The following CNMD variants were observed in gnomAD, a reference collection of about 807,000 sequenced individuals.
CNMD encodes the protein leukocyte cell-derived chemotaxin 1.
In CNMD, 30 loss-of-function variants were observed where a neutral mutation model predicts 37.5. The observed-to-expected ratio is 0.80, with a 90% CI of 0.60 to 1.09. The LOEUF (loss-of-function observed/expected upper bound fraction) is 1.09. CNMD is among the 50% of genes least tolerant of loss of function. The pLI, the probability that CNMD is intolerant of heterozygous loss-of-function variation, is 0.00. For missense variants in CNMD, 398 were observed against 423.9 expected (o/e 0.94, Z 0.54); for synonymous variants, 167 against 148.2 (o/e 1.13, Z -0.92).
rs184390432 is a variant in CNMD at position 52,724,649 on chromosome 13, A to T, written c.355-539T>A. On this transcript the variant is annotated intron_variant, in intron 3 of 6. Coordinates refer to ENST00000377962, the MANE Select transcript of CNMD (RefSeq NM_007015.3). ...CGGACATGGTGGCTTATGCCACCAG[A>T]ACTTTGGGAGGCCGACGCGGGCAGA... is the stretch of plus-strand genomic sequence containing the variant. Among the ~76,000 whole-genome samples the T allele has an allele frequency of 3.3e-5, 5 of 152,228 alleles. No individual in the cohort carries two copies. The East Asian group carries it at 9.7e-4, about 29-fold the overall frequency.
intron 2 of CNMD, 129 bp downstream of exon 2, chr13:52,738,902 G>C: frequency 1.3e-6 from 1 of 769,930 alleles, no homozygotes; most frequent in Non-Finnish European, 1.8e-6. Flanking sequence ...TGGGATGGGA[G>C]AGGGGAGCTC....
At chr13:52,728,936 G>C (rs975976042) in intron 3 of CNMD, among the ~76,000 whole-genome samples, 1 of 152,142 alleles carries the variant, frequency 6.6e-6, no homozygotes, top group African/African-American at 2.4e-5. Flanking sequence ...AGATTAAACA[G>C]AGGGAACTAA....
At chr13:52,708,078 A>G (rs1298678182) in intron 6 of CNMD, among the ~76,000 whole-genome samples, 1 of 152,198 alleles carries the variant, frequency 6.6e-6, no homozygotes, top group African/African-American at 2.4e-5. Flanking sequence ...CAACAAAAAA[A>G]CAACTTTGCA....
intron 4 of CNMD, among the ~76,000 whole-genome samples, chr13:52,713,926 T>G (rs1425087035): frequency 6.6e-6 from 1 of 152,200 alleles, no homozygotes; most frequent in Non-Finnish European, 1.5e-5. Flanking sequence ...CCCAATCTCC[T>G]TCCTCCCCCA....
chr13:52,724,181 G>T, intron 3 of CNMD, 71 bp from the exon 4 acceptor site: 1 of 1,147,728 alleles, frequency 8.7e-7, no homozygotes, highest in Non-Finnish European at 1.3e-6. Flanking sequence ...TGTCTACTGT[G>T]TTCCAGATGC....
rs894661989 is a variant in CNMD at position 52,728,787 on chromosome 13, G to C, written c.354+4432C>G. Among the ~76,000 whole-genome samples, 6 of 152,312 alleles carry C rather than the reference G, an allele frequency of 3.9e-5. No homozygotes were observed. The East Asian group carries it at 1.2e-3, about 29-fold the overall frequency. The stretch of plus-strand genomic sequence containing the variant: ...ATTCGCAGCACTGAATGGGAATCTA[G>C]TGTTAAGTTGGTTCTGACAGTCGAC... On this transcript the variant is annotated intron_variant, in intron 3 of 6. Transcript: ENST00000377962.
In CNMD at chr13:52,706,155, G is replaced by A. The variant is rs774871508; in HGVS notation, c.790-2345C>T. 3.9e-5 allele frequency among the ~76,000 whole-genome samples: 6 copies of A among 152,134 alleles called. 1 individual carries two copies. Among genetic ancestry groups the A allele is most frequent in the Non-Finnish European group, 7.4e-5 (5 of 68,020 alleles). On this transcript the variant is annotated intron_variant, in intron 6 of 6. Coordinates refer to ENST00000377962, the MANE Select transcript of CNMD (RefSeq NM_007015.3). ...ATGCTCACCCTTACACATAATTAAAGACAAGCAAGATAAACAACCAGGAGA... is the reference window on the plus strand; with the variant it reads ...ATGCTCACCCTTACACATAATTAAAAACAAGCAAGATAAACAACCAGGAGA...
rs185751518 is a variant in CNMD, at chr13:52,708,473, G to A, written c.789+63C>T. Reference sequence around the variant, plus strand: ...TAGGATTACAGGCGTAAGCCACCACGCCCGGCCTTGGCACTATGTTTAATG... The same window carrying A: ...TAGGATTACAGGCGTAAGCCACCACACCCGGCCTTGGCACTATGTTTAATG... On this transcript the variant is annotated intron_variant, in intron 6 of 6. Transcript: ENST00000377962. The A allele has an allele frequency of 1.7e-4, 248 of 1,472,180 alleles. 1 individual carries two copies. In the African/African-American group the frequency reaches 2.9e-3, roughly 17 times the overall value. The allele number at this position is 1,472,180 out of a possible 1,614,324, so 91.2% of individuals were successfully genotyped here.
intron 3 of CNMD, among the ~76,000 whole-genome samples, chr13:52,731,960 G>A (rs933228652): frequency 3.9e-5 from 6 of 152,210 alleles, no homozygotes; most frequent in African/African-American, 9.6e-5. Context: ...AACAAAGTGC[G>A]TCTGGGCACA....
chr13:52,733,647 C>A, intron 2 of CNMD: 1 of 444,966 alleles, frequency 2.2e-6, no homozygotes. Context: ...TGGGTAGACT[C>A]TCTGGGTACC....
Position 52,739,096 on chromosome 13 carries a change from C to G in CNMD, c.148G>C (p.Gly50Arg). Residue 50 changes from glycine (G) to arginine (R), a missense_variant, in exon 2 of 7, where the codon GGA becomes CGA. Transcript: ENST00000377962. This position sits in a 1 kb window ranked among gnomAD's most constrained non-coding sequence, Gnocchi z 5.4. ...LKVGAVVLISGAVLLLFGAIG... is the reference protein window; with the variant it reads ...LKVGAVVLISRAVLLLFGAIG... The stretch of plus-strand genomic sequence containing the variant: ...GCCCCAAAGAGCAGCAGCACAGCTC[C>G]CGAAATGAGGACCACGGCTCCCACC... The G allele has an allele frequency of 6.3e-7, 1 of 1,577,222 alleles. No homozygotes were observed. Among genetic ancestry groups the G allele is most frequent in the Non-Finnish European group, 8.6e-7 (1 of 1,165,836 alleles).
At chr13:52,736,533 C>T (rs1005475713) in intron 2 of CNMD, among the ~76,000 whole-genome samples, 1 of 152,132 alleles carries the variant, frequency 6.6e-6, no homozygotes, top group Non-Finnish European at 1.5e-5. Context: ...GGAGGCAGTC[C>T]AGTTTCTAAC....
At chr13:52,724,983 G>GTA (rs1964548919) in intron 3 of CNMD, among the ~76,000 whole-genome samples, 1 of 152,220 alleles carries the variant, frequency 6.6e-6, no homozygotes, top group South Asian at 2.1e-4. Context: ...TGATGAGGTG[G>GTA]TAATTTAGAC....
intron 6 of CNMD, among the ~76,000 whole-genome samples, chr13:52,706,647 T>A (rs1292064721): frequency 2.6e-5 from 4 of 152,116 alleles, no homozygotes; most frequent in Non-Finnish European, 4.4e-5. Context: ...ATTAAATGAA[T>A]GAGGTACTAT....
At position 52,710,223 on chromosome 13, in the gene CNMD, A is replaced by T. The variant is rs116046089; in HGVS notation, c.623-1521T>A. 2.4e-3 allele frequency among the ~76,000 whole-genome samples: 370 copies of T among 152,294 alleles called. 1 individual carries two copies. Among genetic ancestry groups the T allele is most frequent in the African/African-American group, 8.4e-3 (349 of 41,562 alleles). On this transcript the variant is annotated intron_variant, in intron 5 of 6. Transcript: ENST00000377962. ...TTAAAGCCATTGGTAGCTTCCACAG[A>T]TAGCATGGTTGGAGAGGCACCAGTG... is the stretch of plus-strand genomic sequence containing the variant.
At chr13:52,734,291 G>A (rs1566232594) in intron 2 of CNMD, among the ~76,000 whole-genome samples, 2 of 152,292 alleles carry the variant, frequency 1.3e-5, no homozygotes, top group South Asian at 2.1e-4. Flanking sequence ...GGTGAGGATG[G>A]CACTGTGGCA....
rs1285956402 is a variant in CNMD at position 52,708,653 on chromosome 13, G to A, written c.672C>T (p.Thr224=). Residue 224 remains threonine, a synonymous_variant, in exon 6 of 7, where the codon ACC becomes ACT. Coordinates refer to ENST00000377962, the MANE Select transcript of CNMD (RefSeq NM_007015.3). ...GTGGTCCACTGTGTGGTCTTTTTGT[G>A]GTAGTTGGAACAATTTTTCTTACCA... is the stretch of plus-strand genomic sequence containing the variant. ...REVVRKIVPT[T]TKRPHSGPRS... The A allele has an allele frequency of 2.5e-6, 4 of 1,611,966 alleles. No homozygotes were observed. Among genetic ancestry groups the A allele is most frequent in the Middle Eastern group, 1.6e-4 (1 of 6,084 alleles).
chr13:52,733,444 G>T, intron 2 of CNMD, 85 bp from the exon 3 acceptor site: 1 of 1,197,054 alleles, frequency 8.4e-7, no homozygotes, highest in Non-Finnish European at 1.2e-6. Flanking sequence ...ATGAGGTAGT[G>T]TCCATATGTT....
At chr13:52,703,907 A>G (rs572865874) in intron 6 of CNMD, 97 bp from the exon 7 acceptor site, 1 of 1,013,536 alleles carries the variant, frequency 9.9e-7, no homozygotes, top group Admixed American at 2.1e-5. Flanking sequence ...TTTCACTGCT[A>G]CAGGAAGGTG....
Sources: gnomAD v4.1 joint callset for allele counts (sites outside exome capture counted in the v4.1 genomes callset) on GRCh38, gnomAD v4.1.1 for gene constraint, Gnocchi (gnomAD v3.1) non-coding constraint, MANE v1.5 for transcripts, NCBI Gene and HGNC (gene_info 2026-07-23, HGNC 2026-07-21) for gene names.